SLC25A21: variants seen among roughly 807,000 people sequenced by gnomAD.
SLC25A21 encodes the protein solute carrier family 25 member 21, also known as mitochondrial 2-oxodicarboxylate carrier.
In SLC25A21, 47 loss-of-function variants were observed where a neutral mutation model predicts 43.8. The observed-to-expected ratio is 1.07, with a 90% confidence interval of 0.85 to 1.37. The LOEUF is 1.37. SLC25A21 is among the 40% of genes most tolerant of loss of function. The pLI is 0.00. For missense variants in SLC25A21, 352 were observed against 350.2 expected (o/e 1.00, Z -0.04); for synonymous variants, 131 against 121.3 (o/e 1.08, Z -0.52).
chr14:36,978,777 C>T (rs1260383537), intron 1 of SLC25A21, among the ~76,000 whole-genome samples: 1 of 152,046 alleles, frequency 6.6e-6, no homozygotes, highest in East Asian at 1.9e-4. Context: ...AAGTTAATGC[C>T]CTTTGAAGAG....
chr14:37,142,771 A>G (rs1450906536), intron 1 of SLC25A21, among the ~76,000 whole-genome samples: 3 of 152,220 alleles, frequency 2.0e-5, no homozygotes, highest in Non-Finnish European at 2.9e-5. Flanking sequence ...TTTTCTCCTT[A>G]GCCTGACTGT....
At chr14:36,769,350 G>T (rs192084156) in intron 3 of SLC25A21, among the ~76,000 whole-genome samples, 1 of 152,266 alleles carries the variant, frequency 6.6e-6, no homozygotes. Flanking sequence ...ATATTCTCAC[G>T]AATGGAAGAA....
At position 37,172,394 on chromosome 14, in the gene SLC25A21, A is replaced by G; in HGVS notation, c.-44T>C. 1 of 1,550,052 alleles carries G rather than the reference A, an allele frequency of 6.5e-7. No homozygotes were observed. Among genetic ancestry groups the G allele is most frequent in the Non-Finnish European group, 8.8e-7 (1 of 1,140,888 alleles). On this transcript the variant is annotated 5_prime_UTR_variant, in exon 1 of 10. Coordinates refer to ENST00000331299, the MANE Select transcript of SLC25A21 (RefSeq NM_030631.4). ...CAAGGGAGTGGGCTGAGATGCGTCAACGAGCTCGCAGCCTGCACAGCCTAC... is the reference window on the plus strand; with the variant it reads ...CAAGGGAGTGGGCTGAGATGCGTCAGCGAGCTCGCAGCCTGCACAGCCTAC...
intron 1 of SLC25A21, among the ~76,000 whole-genome samples, chr14:37,145,342 C>T (rs145216174): frequency 6.6e-6 from 1 of 151,902 alleles, no homozygotes; most frequent in African/African-American, 2.4e-5. Context: ...TCAAGCAATC[C>T]TCATGCCTTA....
rs139087443 is a variant in SLC25A21 at position 36,808,039 on chromosome 14, G to C, written c.203+5879C>G. Among the ~76,000 whole-genome samples the C allele has an allele frequency of 1.6e-4, 24 of 152,250 alleles. No individual in the cohort carries two copies. The East Asian group carries it at 4.4e-3, about 28-fold the overall frequency. On this transcript the variant is annotated intron_variant, in intron 3 of 9. Transcript: ENST00000331299. ...AGATGATACCTGGGGCAGCATCAGTGGTTACAGAAAACAAATCGTGAAACT... is the reference window on the plus strand; with the variant it reads ...AGATGATACCTGGGGCAGCATCAGTCGTTACAGAAAACAAATCGTGAAACT...
chr14:37,150,241 A>G (rs777525000), intron 1 of SLC25A21, among the ~76,000 whole-genome samples: 10 of 152,198 alleles, frequency 6.6e-5, no homozygotes, highest in Non-Finnish European at 1.3e-4. Context: ...TTTGAAAAAC[A>G]AAATTATGGA....
At chr14:37,042,530 C>T (rs1289137460) in intron 1 of SLC25A21, among the ~76,000 whole-genome samples, 2 of 152,062 alleles carry the variant, frequency 1.3e-5, no homozygotes, top group Non-Finnish European at 2.9e-5. Flanking sequence ...TGACTCTTTA[C>T]AAAAATACTC....
chr14:37,040,427 GAAAGAAAGAAAGA>G lies in SLC25A21; in HGVS notation c.70+131841_70+131853del, dbSNP rs1961444141. ...AGAAAGAAAGAAAGAAAGAAAGAAA[GAAAGAAAGAAAGA>G]AAAGAAAAATTAGTTACAGGGTGAG... is the stretch of plus-strand genomic sequence containing the variant. On this transcript the variant is annotated intron_variant, in intron 1 of 9. Coordinates refer to ENST00000331299, the MANE Select transcript of SLC25A21 (RefSeq NM_030631.4). Among the ~76,000 whole-genome samples, 11 of 101,128 alleles carry G rather than the reference GAAAGAAAGAAAGA, an allele frequency of 1.1e-4. 2 individuals are homozygous for G. Among genetic ancestry groups the G allele is most frequent in the African/African-American group, 6.9e-4 (9 of 13,092 alleles). 66.3% of individuals were successfully genotyped at this position (101,128 alleles called of 152,430 possible).
chr14:36,891,442 A>G (rs1203220363), intron 1 of SLC25A21, among the ~76,000 whole-genome samples: 1 of 152,186 alleles, frequency 6.6e-6, no homozygotes, highest in Non-Finnish European at 1.5e-5. Context: ...TAAATAGAGC[A>G]AAATGTGAAG....
At chr14:36,958,068 A>ATT (rs34413483) in intron 1 of SLC25A21, among the ~76,000 whole-genome samples, 1 of 150,044 alleles carries the variant, frequency 6.7e-6, no homozygotes, top group Non-Finnish European at 1.5e-5. Flanking sequence ...TTTGAGGCTC[A>ATT]TTTTTTTTTT....
chr14:36,697,738 C>CTTTTTTTTTTTTTTT lies in SLC25A21; in HGVS notation c.604-12814_604-12813insAAAAAAAAAAAAAAA, dbSNP rs757711209. ...TCTGAGACTAGGATTGCAAGCCCTACTTTTTTTTTTTGCTTTCCATTTGCT... is the reference window on the plus strand; with the variant it reads ...TCTGAGACTAGGATTGCAAGCCCTACTTTTTTTTTTTTTTTTTTTTTTTTTTGCTTTCCATTTGCT... On this transcript the variant is annotated intron_variant, in intron 7 of 9. Coordinates refer to ENST00000331299, the MANE Select transcript of SLC25A21 (RefSeq NM_030631.4). Among the ~76,000 whole-genome samples, 508 of 111,100 alleles carry CTTTTTTTTTTTTTTT rather than the reference C, an allele frequency of 4.6e-3. 38 individuals carry two copies. Among genetic ancestry groups the CTTTTTTTTTTTTTTT allele is most frequent in the South Asian group, 8.5e-3 (27 of 3,182 alleles). The allele number at this position is 111,100 out of a possible 152,430, so 72.9% of individuals were successfully genotyped here.
intron 7 of SLC25A21, among the ~76,000 whole-genome samples, chr14:36,687,391 G>A (rs1882603628): frequency 6.6e-6 from 1 of 152,132 alleles, no homozygotes; most frequent in South Asian, 2.1e-4. Flanking sequence ...TCTCGGGGGT[G>A]AGAAGAAGGT....
chr14:37,015,491 A>G (rs971781751), intron 1 of SLC25A21, among the ~76,000 whole-genome samples: 7 of 152,112 alleles, frequency 4.6e-5, no homozygotes, highest in East Asian at 1.9e-4. Flanking sequence ...GAATAGTGCC[A>G]CAATAGACAT....
chr14:37,149,853 A>G (rs1292367409), intron 1 of SLC25A21, among the ~76,000 whole-genome samples: 2 of 152,162 alleles, frequency 1.3e-5, no homozygotes, highest in Non-Finnish European at 2.9e-5. Context: ...TAATTTAGTA[A>G]TTATTTAAAA....
At chr14:36,916,540 G>C (rs930411402) in intron 1 of SLC25A21, among the ~76,000 whole-genome samples, 1 of 152,166 alleles carries the variant, frequency 6.6e-6, no homozygotes, top group Non-Finnish European at 1.5e-5. Flanking sequence ...TATGCCGATG[G>C]AGTCTACTGA....
chr14:36,688,276 G>A (rs779104493), intron 7 of SLC25A21, among the ~76,000 whole-genome samples: 3 of 152,000 alleles, frequency 2.0e-5, no homozygotes, highest in Non-Finnish European at 4.4e-5. Context: ...CTCTACTCCC[G>A]AGATACTGTC....
At chr14:36,762,023 C>T (rs1739613) in intron 3 of SLC25A21, among the ~76,000 whole-genome samples, 24,293 of 151,998 alleles carry the variant, frequency 0.16, 2,222 homozygotes, top group Middle Eastern at 0.25. Flanking sequence ...TTCAAAACAA[C>T]GGATTATAGG....
chr14:37,162,158 G>T (rs1041441416), intron 1 of SLC25A21, among the ~76,000 whole-genome samples: 3 of 152,056 alleles, frequency 2.0e-5, no homozygotes, highest in Non-Finnish European at 4.4e-5. Flanking sequence ...TCCAGAAGGA[G>T]CCAACCCTGC....
chr14:36,949,212 CCTCTT>C (rs1892745676), intron 1 of SLC25A21, among the ~76,000 whole-genome samples: 1 of 152,116 alleles, frequency 6.6e-6, no homozygotes, highest in Non-Finnish European at 1.5e-5. Flanking sequence ...CTTTCAAAAC[CCTCTT>C]CTCATCTTTG....
Sources: gnomAD v4.1 joint callset for allele counts (sites outside exome capture counted in the v4.1 genomes callset) on GRCh38, gnomAD v4.1.1 for gene constraint, MANE v1.5 for transcripts, NCBI Gene and HGNC (gene_info 2026-07-23, HGNC 2026-07-21) for gene names.